Variants in MSH5 observed in about 807,000 individuals in gnomAD.
The protein encoded by MSH5 is mutS homolog 5, also known as mutS protein homolog 5.
In MSH5, 78 loss-of-function variants were observed where a neutral mutation model predicts 107.7. The ratio of observed to expected loss-of-function variants is 0.72; its 90% CI spans 0.60 to 0.87. MSH5 has a LOEUF of 0.87. MSH5 is among the 40% of genes least tolerant of loss of function. MSH5 has a pLI of 0.00. For missense variants in MSH5, 889 were observed against 1,046.6 expected, an observed-to-expected ratio of 0.85 and a Z score of 2.08; for synonymous variants, 326 against 399.5, an observed-to-expected ratio of 0.82 and a Z score of 2.19.
intron 3 of MSH5, among the ~76,000 whole-genome samples, chr6:31,741,863 T>A (rs1450920468): frequency 6.6e-6 from 1 of 151,944 alleles, no homozygotes; most frequent in Non-Finnish European, 1.5e-5. Context: ...CTGCTTCAAC[T>A]CATGGAAGAA....
At chr6:31,741,379 ACACAT>A (rs1808882050) in intron 3 of MSH5, 93 bp downstream of exon 3, 4 of 894,668 alleles carry the variant, frequency 4.5e-6, no homozygotes, top group South Asian at 4.0e-5. Flanking sequence ...ACACACACAC[ACACAT>A]ATTTTTTTTT....
At chr6:31,745,949 G>A (rs1234806643) in intron 9 of MSH5, among the ~76,000 whole-genome samples, 1 of 151,790 alleles carries the variant, frequency 6.6e-6, no homozygotes, top group Non-Finnish European at 1.5e-5. Flanking sequence ...TGTATTTTTA[G>A]TAGAGAACGG....
chr6:31,743,832 T>C, intron 5 of MSH5, 72 bp from the exon 6 acceptor site: 2 of 1,574,968 alleles, frequency 1.3e-6, no homozygotes, highest in African/African-American at 1.4e-5. Flanking sequence ...TTGCTTCTAT[T>C]GTCTCATTCT....
chr6:31,762,470 A>G lies in MSH5; in HGVS notation c.2444A>G (p.Asn815Ser), dbSNP rs1298811565. 4 of 1,613,890 alleles carry G rather than the reference A, an allele frequency of 2.5e-6. No individual in the cohort carries two copies. The African/African-American group carries it at 5.3e-5, about 22-fold the overall frequency. The change falls in exon 25 of 25, where the codon AAC becomes AGC. Residue 815 changes from asparagine to serine, a missense_variant. Transcript: ENST00000375750. The stretch of plus-strand genomic sequence containing the variant: ...ATGAAACTGGATTTGGAAGATCCTA[A>G]CCTGGACTTGAACGTTTTCATGAGC... ...KFMKLDLEDP[N>S]LDLNVFMSQE...
In MSH5 at chr6:31,759,763, C is replaced by A; in HGVS notation, c.1496-23C>A. 2 of 1,609,226 alleles carry A rather than the reference C, an allele frequency of 1.2e-6. No homozygotes were observed. Among genetic ancestry groups the A allele is most frequent in the African/African-American group, 2.7e-5 (2 of 75,048 alleles). On this transcript the variant is annotated intron_variant, in intron 17 of 24. Coordinates refer to ENST00000375750, the MANE Select transcript of MSH5 (RefSeq NM_172166.4). The surrounding 1 kb of genome is among the most constrained non-coding windows in gnomAD (Gnocchi z 4.7). Reference sequence around the variant, plus strand: ...ACTTTCCCCTGGAACTGACCTCCAGCTCCCTTCCTCACCCACTCCCAGACC... The same window carrying A: ...ACTTTCCCCTGGAACTGACCTCCAGATCCCTTCCTCACCCACTCCCAGACC...
chr6:31,743,891 C>A lies in MSH5; in HGVS notation c.416-13C>A. On this transcript the variant is annotated splice_polypyrimidine_tract_variant and intron_variant, in intron 5 of 24. Transcript: ENST00000375750. ...CTACAAGACCGTTCCCTTTGCTTGC[C>A]TCCCTCAAATAGGTCTGGAGATAAG... 6.2e-7 allele frequency: 1 copy of A among 1,612,072 alleles called. No individual in the cohort carries two copies. The highest frequency in any genetic ancestry group is 1.1e-5 in the South Asian group (1 of 90,954).
chr6:31,755,704 C>T (rs1810391731), intron 12 of MSH5, among the ~76,000 whole-genome samples: 1 of 152,142 alleles, frequency 6.6e-6, no homozygotes, highest in Non-Finnish European at 1.5e-5. Flanking sequence ...CTATGTTGCT[C>T]AAGGTGGTCT....
intron 24 of MSH5, 55 bp downstream of exon 24, chr6:31,762,240 T>C: frequency 6.3e-7 from 1 of 1,582,252 alleles, no homozygotes; most frequent in Non-Finnish European, 8.7e-7. Flanking sequence ...CTGCAACTCT[T>C]CTCCCCTTTT....
chr6:31,744,092 T>A, intron 6 of MSH5, 67 bp downstream of exon 6: 1 of 1,606,798 alleles, frequency 6.2e-7, no homozygotes. Context: ...TTCTGGGAGG[T>A]ACTGGCCTAG....
At chr6:31,741,440 G>A (rs912571644) in intron 3 of MSH5, among the ~76,000 whole-genome samples, 154 bp downstream of exon 3, 2 of 151,576 alleles carry the variant, frequency 1.3e-5, no homozygotes, top group African/African-American at 2.4e-5. Context: ...GTGCAGTGGC[G>A]CAATCTTGGC....
chr6:31,758,597 A>G lies in MSH5; in HGVS notation c.1193A>G (p.Asn398Ser), dbSNP rs1810664940. The G allele has an allele frequency of 1.9e-6, 3 of 1,613,984 alleles. No homozygotes were observed. Among genetic ancestry groups the G allele is most frequent in the Non-Finnish European group, 2.5e-6 (3 of 1,180,024 alleles). Residue 398 changes from asparagine to serine, a missense_variant, in exon 14 of 25, where the codon AAC (asparagine) becomes AGC (serine). Physicochemically the swap from Asn to Ser is conservative, Grantham distance 46 (BLOSUM62 1). Around this residue, in one of 3 missense-constraint regions of MSH5, gnomAD observed 518 missense variants for 565.0 expected, o/e 0.92. Transcript: ENST00000375750. The surrounding 1 kb of genome is among the most constrained non-coding windows in gnomAD (Gnocchi z 5.1). Reference sequence around the variant, plus strand: ...GAAAATCGCTTCACAGTCCTCCCCAACATAGATCCTGAAATTGATGAGAGT... The same window carrying G: ...GAAAATCGCTTCACAGTCCTCCCCAGCATAGATCCTGAAATTGATGAGAGT... The part of the protein sequence containing the change: ...LAENRFTVLP[N>S]IDPEIDEKKR...
Position 31,761,801 on chromosome 6 carries a change from T to A in MSH5, c.2182-17T>A. 1 of 1,613,098 alleles carries A rather than the reference T, an allele frequency of 6.2e-7. No individual in the cohort carries two copies. Among genetic ancestry groups the A allele is most frequent in the Non-Finnish European group, 8.5e-7 (1 of 1,180,018 alleles). Reference sequence around the variant, plus strand: ...AGGAGGTGATTGATGATACACTGTCTTTTATTCTCTTTTAAGACCATGGAG... The same window carrying A: ...AGGAGGTGATTGATGATACACTGTCATTTATTCTCTTTTAAGACCATGGAG... On this transcript the variant is annotated splice_polypyrimidine_tract_variant and intron_variant, in intron 22 of 24. Coordinates refer to ENST00000375750, the MANE Select transcript of MSH5 (RefSeq NM_172166.4). The surrounding 1 kb of genome is among the most constrained non-coding windows in gnomAD (Gnocchi z 5.3).
At position 31,745,287 on chromosome 6, in the gene MSH5, C is replaced by T. The variant is rs1679782798; in HGVS notation, c.734C>T (p.Ala245Val). ...SESHPSVYKV[A>V]SGLKEGLSLF... The stretch of plus-strand genomic sequence containing the variant: ...TCTCACCCCTCAGTGTACAAAGTGG[C>T]CAGTGGACTGAAGGAGGGGCTCAGC... The change falls in exon 9 of 25, where the codon GCC becomes GTC. Residue 245 changes from alanine (A) to valine (V), a missense_variant. By Grantham distance (64) the Ala-to-Val change is moderately conservative. Transcript: ENST00000375750. 1 of 1,613,296 alleles carries T rather than the reference C, an allele frequency of 6.2e-7. No homozygotes were observed. The highest frequency in any genetic ancestry group is 1.3e-5 in the African/African-American group (1 of 74,850).
chr6:31,745,445 C>T, intron 9 of MSH5, 126 bp downstream of exon 9: 1 of 682,312 alleles, frequency 1.5e-6, no homozygotes, highest in Non-Finnish European at 2.5e-6. Context: ...TCATGCCAAT[C>T]CAAATTTCTT....
chr6:31,741,358 C>T, intron 3 of MSH5, 72 bp downstream of exon 3: 2 of 1,339,842 alleles, frequency 1.5e-6, no homozygotes, highest in Non-Finnish European at 2.0e-6. Context: ...CACACACACA[C>T]ACACACACAC....
intron 12 of MSH5, among the ~76,000 whole-genome samples, chr6:31,755,449 A>G (rs937463599): frequency 2.0e-5 from 3 of 148,464 alleles, no homozygotes; most frequent in Admixed American, 2.0e-4. Context: ...CGCAACCTCC[A>G]CCTCCTGGGT....
Position 31,758,697 on chromosome 6 carries a change from C to G in MSH5, c.1217-69C>G. 6.2e-7 allele frequency: 1 copy of G among 1,608,606 alleles called. No homozygotes were observed. The highest frequency in any genetic ancestry group is 8.5e-7 in the Non-Finnish European group (1 of 1,175,094). ...CATCCTTGGCAGGTGGTCACCACAGCTGGGGATCTTCATAGCAACCAGGGC... is the reference window on the plus strand; with the variant it reads ...CATCCTTGGCAGGTGGTCACCACAGGTGGGGATCTTCATAGCAACCAGGGC... On this transcript the variant is annotated intron_variant, in intron 14 of 24. Coordinates refer to ENST00000375750, the MANE Select transcript of MSH5 (RefSeq NM_172166.4). The surrounding 1 kb of genome is among the most constrained non-coding windows in gnomAD (Gnocchi z 5.1).
At chr6:31,757,734 G>C (rs747414535) in intron 12 of MSH5, 6 of 202,742 alleles carry the variant, frequency 3.0e-5, no homozygotes, top group Non-Finnish European at 5.0e-5. Context: ...GAGTGCAATG[G>C]CGTGATCTGG....
chr6:31,741,160 C>G lies in MSH5; in HGVS notation c.148-3C>G, dbSNP rs773131718. 1 of 1,612,764 alleles carries G rather than the reference C, an allele frequency of 6.2e-7. No individual in the cohort carries two copies. Among genetic ancestry groups the G allele is most frequent in the East Asian group, 2.2e-5 (1 of 44,898 alleles). ...GTGATTTCCTTTCTTCCTTGCTGGACAGATCCATCTGTGTGTGCTGTGGAA... is the reference window on the plus strand; with the variant it reads ...GTGATTTCCTTTCTTCCTTGCTGGAGAGATCCATCTGTGTGTGCTGTGGAA... On this transcript the variant is annotated splice_polypyrimidine_tract_variant and splice_region_variant and intron_variant, in intron 2 of 24. Transcript: ENST00000375750.
Sources: gnomAD v4.1 joint callset for allele counts (sites outside exome capture counted in the v4.1 genomes callset) on GRCh38, gnomAD v4.1.1 for gene constraint, gnomAD v4.1.1 regional missense constraint, Gnocchi (gnomAD v3.1) non-coding constraint, MANE v1.5 for transcripts, NCBI Gene and HGNC (gene_info 2026-07-23, HGNC 2026-07-21) for gene names.